CDH9: variants seen among roughly 807,000 people sequenced by gnomAD.
The protein encoded by CDH9 is cadherin-9.
Under a neutral mutation model 70.9 loss-of-function variants are expected in CDH9, and 28 were observed. The ratio of observed to expected loss-of-function variants is 0.40; its 90% CI spans 0.29 to 0.54. CDH9 has a LOEUF of 0.54. CDH9 is among the 20% of genes least tolerant of loss of function. CDH9 has a pLI of 0.59. For synonymous variants in CDH9, 409 were observed against 343.1 expected (o/e 1.19, Z -2.12); for missense variants, 874 against 984.4 (o/e 0.89, Z 1.50).
intron 1 of CDH9, among the ~76,000 whole-genome samples, chr5:27,029,782 G>T (rs3792735): frequency 0.46 from 69,719 of 151,690 alleles, 16,825 homozygotes; most frequent in Non-Finnish European, 0.5. Flanking sequence ...ACTTCTCAAG[G>T]AATCTGCACA....
intron 2 of CDH9, among the ~76,000 whole-genome samples, chr5:26,965,385 G>A (rs1418381084): frequency 1.3e-5 from 2 of 151,886 alleles, no homozygotes; most frequent in Non-Finnish European, 2.9e-5. Context: ...CAACCTGCCT[G>A]GCCAACATAG....
chr5:26,911,914 C>T (rs988960423), intron 3 of CDH9, among the ~76,000 whole-genome samples: 1 of 151,580 alleles, frequency 6.6e-6, no homozygotes, highest in African/African-American at 2.4e-5. Flanking sequence ...CAGACAGAAA[C>T]TGAAGCAGAG....
chr5:27,001,802 T>G (rs1003379092), intron 1 of CDH9, among the ~76,000 whole-genome samples: 3 of 151,270 alleles, frequency 2.0e-5, no homozygotes, highest in African/African-American at 4.9e-5. Context: ...CATCTCATAG[T>G]GTCAGAAATT....
chr5:26,883,598 C>T (rs1740511202), intron 11 of CDH9, among the ~76,000 whole-genome samples: 1 of 151,990 alleles, frequency 6.6e-6, no homozygotes, highest in South Asian at 2.1e-4. Flanking sequence ...TACAGTTTGA[C>T]AGATAAATCA....
At chr5:26,985,685 A>G (rs965734389) in intron 2 of CDH9, among the ~76,000 whole-genome samples, 4 of 152,222 alleles carry the variant, frequency 2.6e-5, no homozygotes, top group Middle Eastern at 3.4e-3. Context: ...ATTAGAAGCT[A>G]CTTAGCCTTT....
At chr5:26,917,802 A>G (rs1385579929) in intron 2 of CDH9, among the ~76,000 whole-genome samples, 1 of 152,018 alleles carries the variant, frequency 6.6e-6, no homozygotes, top group Non-Finnish European at 1.5e-5. Flanking sequence ...AATTTTTCAT[A>G]CTAAAGAGGG....
At chr5:26,988,827 T>G (rs868216999) in intron 1 of CDH9, among the ~76,000 whole-genome samples, 42 of 151,968 alleles carry the variant, frequency 2.8e-4, no homozygotes, top group African/African-American at 1.0e-3. Context: ...TAGTAAACTG[T>G]TTTTCTCCTC....
chr5:26,909,130 C>T (rs898159024), intron 3 of CDH9, among the ~76,000 whole-genome samples: 2 of 151,692 alleles, frequency 1.3e-5, no homozygotes, highest in East Asian at 1.9e-4. Context: ...ACTACAGGTG[C>T]CCGCCACCAA....
At chr5:26,895,418 C>T (rs1200429046) in intron 7 of CDH9, among the ~76,000 whole-genome samples, 1 of 152,034 alleles carries the variant, frequency 6.6e-6, no homozygotes, top group Non-Finnish European at 1.5e-5. Context: ...AATGCACTTA[C>T]ACATTTATTC....
At chr5:27,009,720 CT>C (rs1180291955) in intron 1 of CDH9, among the ~76,000 whole-genome samples, 1 of 152,080 alleles carries the variant, frequency 6.6e-6, no homozygotes, top group Non-Finnish European at 1.5e-5. Flanking sequence ...CTCAGACTTC[CT>C]TTGTCTGGCC....
chr5:26,917,247 C>CT (rs541219955), intron 2 of CDH9, among the ~76,000 whole-genome samples: 24 of 151,010 alleles, frequency 1.6e-4, no homozygotes, highest in Admixed American at 7.9e-4. Flanking sequence ...ACATACTTAT[C>CT]TTTTTTTTTG....
rs568511531 is a variant in CDH9 at position 26,939,546 on chromosome 5, T to A, written c.229-23622A>T. ...GTGACAAAATAATGATTATAGATGA[T>A]GTTGGGAAGCAATAATAGAAATATT... On this transcript the variant is annotated intron_variant, in intron 2 of 11. Coordinates refer to ENST00000231021, the MANE Select transcript of CDH9 (RefSeq NM_016279.4). 3.3e-5 allele frequency among the ~76,000 whole-genome samples: 5 copies of A among 151,942 alleles called. No homozygotes were observed. In the East Asian group the frequency reaches 9.7e-4, roughly 29 times the overall value.
Position 26,906,014 on chromosome 5 carries a change from G to C in CDH9, c.756C>G (p.Thr252=), listed in dbSNP as rs1225403229. ...GGQMGGLSGT[T]TVNITLTDVN... Reference sequence around the variant, plus strand: ...CATCTGTCAGCGTGATGTTCACTGTGGTGGTTCCAGAAAGGCCTCCCATCT... The same window carrying C: ...CATCTGTCAGCGTGATGTTCACTGTCGTGGTTCCAGAAAGGCCTCCCATCT... The change falls in exon 5 of 12, where the codon ACC becomes ACG. Residue 252 remains threonine, a synonymous_variant. Transcript: ENST00000231021. The C allele has an allele frequency of 1.9e-6, 3 of 1,613,428 alleles. No homozygotes were observed. The East Asian group carries it at 6.7e-5, about 36-fold the overall frequency.
intron 1 of CDH9, among the ~76,000 whole-genome samples, chr5:27,019,607 T>C (rs2112123718): frequency 6.6e-6 from 1 of 152,012 alleles, no homozygotes; most frequent in South Asian, 2.1e-4. Flanking sequence ...ATCAAGCTCA[T>C]GGTAAAGCTT....
At chr5:26,923,465 C>G (rs1741282398) in intron 2 of CDH9, among the ~76,000 whole-genome samples, 1 of 151,814 alleles carries the variant, frequency 6.6e-6, no homozygotes, top group Non-Finnish European at 1.5e-5. Flanking sequence ...GATCTTAATA[C>G]AATAATAGCT....
chr5:26,895,515 A>C (rs1740733982), intron 7 of CDH9, among the ~76,000 whole-genome samples: 1 of 152,066 alleles, frequency 6.6e-6, no homozygotes, highest in Non-Finnish European at 1.5e-5. Flanking sequence ...TCAATTCCAC[A>C]GCAGTAGAAA....
chr5:26,993,912 C>T (rs1742623758), intron 1 of CDH9, among the ~76,000 whole-genome samples: 1 of 152,000 alleles, frequency 6.6e-6, no homozygotes, highest in African/African-American at 2.4e-5. Flanking sequence ...GAAAGTGAGA[C>T]CACTGCCCCA....
chr5:26,944,944 T>C (rs189127600), intron 2 of CDH9, among the ~76,000 whole-genome samples: 32 of 120,474 alleles, frequency 2.7e-4, no homozygotes, highest in African/African-American at 6.9e-4. Context: ...ATCTTTGATA[T>C]ACACTATTAG....
intron 2 of CDH9, among the ~76,000 whole-genome samples, chr5:26,939,149 A>G (rs1741615830): frequency 6.6e-6 from 1 of 151,864 alleles, no homozygotes. Context: ...TTCTCCCAAT[A>G]TCACTTTCTT....
Sources: allele counts gnomAD v4.1 joint callset (sites outside exome capture counted in the v4.1 genomes callset), GRCh38; gene constraint gnomAD v4.1.1; transcripts MANE v1.5; gene names NCBI Gene and HGNC (gene_info 2026-07-23, HGNC 2026-07-21).